NFS1: variants seen among roughly 807,000 people sequenced by gnomAD.
NFS1 encodes the protein cysteine desulfurase.
NFS1 carries 26 observed loss-of-function variants against 57.3 expected under a neutral mutation model. That is an observed-to-expected ratio of 0.45 (90% CI 0.33 to 0.63). NFS1 has a LOEUF of 0.63. Among genes scored for constraint, NFS1 ranks in the 20% least tolerant of loss-of-function variants. NFS1 has a pLI of 0.02. For missense variants in NFS1, 505 were observed against 605.8 expected, an observed-to-expected ratio of 0.83 and a Z score of 1.75; for synonymous variants, 209 against 216.3, an observed-to-expected ratio of 0.97 and a Z score of 0.30.
At chr20:35,687,116 G>C (rs1032215343) in intron 5 of NFS1, among the ~76,000 whole-genome samples, 1 of 152,134 alleles carries the variant, frequency 6.6e-6, no homozygotes, top group African/African-American at 2.4e-5. Context: ...TCAGTGTCAA[G>C]GAAAAACACC....
intron 5 of NFS1, among the ~76,000 whole-genome samples, chr20:35,688,002 G>A (rs1008482302): frequency 2.6e-5 from 4 of 152,324 alleles, no homozygotes; most frequent in Admixed American, 1.3e-4. Context: ...TCAGCACTTT[G>A]GGAGGCCAGG....
chr20:35,669,375 T>C lies in NFS1; in HGVS notation c.*247A>G, dbSNP rs17092960. Reference sequence around the variant, plus strand: ...AGCAATATGACAGCAAATGTCTCTATGGCTTCGGGATGAAAATGTCCACAC... The same window carrying C: ...AGCAATATGACAGCAAATGTCTCTACGGCTTCGGGATGAAAATGTCCACAC... On this transcript the variant is annotated 3_prime_UTR_variant, in exon 13 of 13. Transcript: ENST00000374092. 1,030 of 426,830 alleles carry C rather than the reference T, an allele frequency of 2.4e-3. 18 individuals carry two copies. Among genetic ancestry groups the C allele is most frequent in the African/African-American group, 0.018 (924 of 50,220 alleles). The allele number at this position is 426,830 out of a possible 1,614,324, so 26.4% of individuals were successfully genotyped here.
chr20:35,691,909 G>A (rs769192459), intron 4 of NFS1, among the ~76,000 whole-genome samples: 6 of 151,830 alleles, frequency 4.0e-5, no homozygotes, highest in East Asian at 1.9e-4. Flanking sequence ...ATGGCCAGGC[G>A]CGGTGGCTCA....
At chr20:35,671,673 T>C (rs2034656741) in intron 12 of NFS1, among the ~76,000 whole-genome samples, 1 of 152,094 alleles carries the variant, frequency 6.6e-6, no homozygotes, top group South Asian at 2.1e-4. Flanking sequence ...GAGGACTGCT[T>C]GAGCCCGGGA....
At chr20:35,696,315 G>T in intron 4 of NFS1, 62 bp downstream of exon 4, 1 of 1,097,580 alleles carries the variant, frequency 9.1e-7, no homozygotes, top group Non-Finnish European at 1.4e-6. Flanking sequence ...TCCAAATGAT[G>T]GAGGGACACT....
At chr20:35,695,129 T>A (rs370743486) in intron 4 of NFS1, among the ~76,000 whole-genome samples, 2 of 152,324 alleles carry the variant, frequency 1.3e-5, no homozygotes, top group South Asian at 2.1e-4. Flanking sequence ...TTGGAATCTG[T>A]GGAGACTTCC....
chr20:35,673,478 T>G, intron 11 of NFS1, 123 bp downstream of exon 11: 15 of 733,678 alleles, frequency 2.0e-5, no homozygotes, highest in Non-Finnish European at 3.2e-5. Context: ...CACAAGGTTA[T>G]GAGAAGAGAT....
rs774444514 is a variant in NFS1, at chr20:35,697,659, A to T, written c.324+25T>A. On this transcript the variant is annotated intron_variant, in intron 3 of 12. Transcript: ENST00000374092. ...GCCACTGCCCCTCTTTGACCTTAGA[A>T]CCTCCTAGACTCCTGTGTACTAACC... 1.2e-5 allele frequency: 19 copies of T among 1,528,202 alleles called. No homozygotes were observed. In the South Asian group the frequency reaches 2.0e-4, roughly 16 times the overall value. 94.7% of individuals were successfully genotyped at this position (1,528,202 alleles called of 1,614,324 possible). A position where few individuals can be genotyped will look rare whatever the true frequency, so the allele number is the denominator to read the frequency against.
At chr20:35,692,589 T>A (rs973872477) in intron 4 of NFS1, among the ~76,000 whole-genome samples, 1 of 142,084 alleles carries the variant, frequency 7.0e-6, no homozygotes, top group African/African-American at 2.6e-5. Context: ...ACATCTGTAG[T>A]CCCAGCTACT....
chr20:35,697,121 A>G (rs917629817), intron 3 of NFS1, among the ~76,000 whole-genome samples: 7 of 151,618 alleles, frequency 4.6e-5, no homozygotes, highest in Non-Finnish European at 1.0e-4. Context: ...AATAGTAAAT[A>G]AATAAATAAA....
intron 5 of NFS1, among the ~76,000 whole-genome samples, chr20:35,689,436 A>G (rs2035002440): frequency 6.6e-6 from 1 of 151,824 alleles, no homozygotes; most frequent in Non-Finnish European, 1.5e-5. Flanking sequence ...CAGCCTGGCC[A>G]ATATGGTGAA....
intron 7 of NFS1, among the ~76,000 whole-genome samples, chr20:35,676,998 C>G (rs1207598664): frequency 6.6e-6 from 1 of 152,018 alleles, no homozygotes; most frequent in Non-Finnish European, 1.5e-5. Flanking sequence ...TCCTGATTAG[C>G]TGGGATTACA....
intron 7 of NFS1, among the ~76,000 whole-genome samples, chr20:35,676,775 AAAAAAAAAAAC>A (rs921190611): frequency 2.7e-5 from 4 of 148,894 alleles, no homozygotes; most frequent in South Asian, 2.1e-4. Context: ...AAAAAAAAAA[AAAAAAAAAAAC>A]CAAGAAAGAA....
chr20:35,678,280 T>C (rs1302629425), intron 7 of NFS1, among the ~76,000 whole-genome samples: 3 of 150,992 alleles, frequency 2.0e-5, no homozygotes, highest in Non-Finnish European at 4.4e-5. Context: ...TCGTGAACCC[T>C]GGAGGCGGAG....
chr20:35,693,692 G>C (rs115635618), intron 4 of NFS1, among the ~76,000 whole-genome samples: 4,893 of 152,074 alleles, frequency 0.032, 268 homozygotes, highest in African/African-American at 0.11. Flanking sequence ...GGCCGGGCGC[G>C]GTGGTTCACA....
At chr20:35,674,812 C>T in intron 8 of NFS1, 195 bp from the exon 9 acceptor site, 1 of 683,534 alleles carries the variant, frequency 1.5e-6, no homozygotes, top group South Asian at 1.9e-5. Context: ...TAACTGGACA[C>T]AGGGTTCATT....
rs558083836 is a variant in NFS1 at position 35,671,361 on chromosome 20, G to A, written c.1310+1394C>T. ...CATGATCCGCTCACCTCGGCCTCCC[G>A]AAGTGCTGGGATTACAGGCGTGAGC... On this transcript the variant is annotated intron_variant, in intron 12 of 12. Coordinates refer to ENST00000374092, the MANE Select transcript of NFS1 (RefSeq NM_021100.5). Among the ~76,000 whole-genome samples, 900 of 152,226 alleles carry A rather than the reference G, an allele frequency of 5.9e-3. 5 individuals are homozygous for A. The highest frequency in any genetic ancestry group is 0.014 in the Middle Eastern group (4 of 294).
intron 7 of NFS1, 28 bp from the exon 8 acceptor site, chr20:35,675,230 CAGAA>C (rs781337924): frequency 1.2e-5 from 19 of 1,567,130 alleles, no homozygotes; most frequent in African/African-American, 2.7e-5. Context: ...TTACAAAAAA[CAGAA>C]AGAGAGAAAA....
Position 35,674,797 on chromosome 20 carries a change from C to T in NFS1, c.949-180G>A, listed in dbSNP as rs548092281. On this transcript the variant is annotated intron_variant, in intron 8 of 12. Coordinates refer to ENST00000374092, the MANE Select transcript of NFS1 (RefSeq NM_021100.5). ...CATAGTGCCTGGTATGCAAAAGGCG[C>T]TTGATAACTGGACACAGGGTTCATT... The T allele has an allele frequency of 1.5e-4, 100 of 678,722 alleles. No homozygotes were observed. The African/African-American group carries it at 1.7e-3, about 11-fold the overall frequency. The allele number at this position is 678,722 out of a possible 1,614,324, so 42.0% of individuals were successfully genotyped here.
Sources: gnomAD v4.1 joint callset for allele counts (sites outside exome capture counted in the v4.1 genomes callset) on GRCh38, gnomAD v4.1.1 for gene constraint, MANE v1.5 for transcripts, NCBI Gene and HGNC (gene_info 2026-07-23, HGNC 2026-07-21) for gene names.